ACSBG2: variants seen among roughly 807,000 people sequenced by gnomAD.
The protein encoded by ACSBG2 is acyl-CoA synthetase bubblegum family member 2.
In ACSBG2, 62 loss-of-function variants were observed where a neutral mutation model predicts 74.7. That is an observed-to-expected ratio of 0.83 (90% CI 0.68 to 1.03). ACSBG2 has a LOEUF of 1.03. Among genes scored for constraint, ACSBG2 ranks in the 50% least tolerant of loss-of-function variants. ACSBG2 has a pLI of 0.00. For missense variants in ACSBG2, 730 were observed against 817.6 expected, an observed-to-expected ratio of 0.89 and a Z score of 1.31; for synonymous variants, 309 against 294.1, an observed-to-expected ratio of 1.05 and a Z score of -0.52.
At chr19:6,137,096 G>T (rs1316175995) in intron 1 of ACSBG2, among the ~76,000 whole-genome samples, 2 of 151,354 alleles carry the variant, frequency 1.3e-5, no homozygotes, top group African/African-American at 4.9e-5. Flanking sequence ...TGCCCATTTT[G>T]CATTGCCATA....
intron 4 of ACSBG2, 80 bp downstream of exon 4, chr19:6,151,875 G>C: frequency 7.3e-7 from 1 of 1,362,310 alleles, no homozygotes. Context: ...TGTCCAGTGT[G>C]AGATGCAAAC....
At chr19:6,143,979 TTG>T (rs977219258) in intron 2 of ACSBG2, among the ~76,000 whole-genome samples, 2 of 151,606 alleles carry the variant, frequency 1.3e-5, no homozygotes, top group Non-Finnish European at 2.9e-5. Flanking sequence ...GGTTTTGTTG[TTG>T]TTTTTTTGTT....
At position 6,147,600 on chromosome 19, in the gene ACSBG2, T is replaced by A. The variant is rs771978866; in HGVS notation, c.222T>A (p.Asn74Lys). 1.2e-5 allele frequency: 19 copies of A among 1,613,962 alleles called. No individual in the cohort carries two copies. The highest frequency in any genetic ancestry group is 1.6e-4 in the Middle Eastern group (1 of 6,084). The change falls in exon 3 of 15, where the codon AAT (asparagine) becomes AAA (lysine). Residue 74 changes from asparagine (N) to lysine (K), a missense_variant. By Grantham distance (94) the Asn-to-Lys change is moderately conservative. Transcript: ENST00000588485. ...CTTATCCAGCCCTCGCATCCAAGAA[T>A]GGCAAAAAGTGGGAAATTCTGAATT... ...FGTYPALASK[N>K]GKKWEILNFN...
At chr19:6,146,746 GA>G (rs2089049089) in intron 2 of ACSBG2, among the ~76,000 whole-genome samples, 1 of 151,064 alleles carries the variant, frequency 6.6e-6, no homozygotes, top group Non-Finnish European at 1.5e-5. Flanking sequence ...ACCTGGGCAA[GA>G]AAAGCAAAGC....
intron 5 of ACSBG2, among the ~76,000 whole-genome samples, chr19:6,158,365 A>G (rs931891583): frequency 1.3e-5 from 2 of 151,044 alleles, no homozygotes; most frequent in African/African-American, 4.9e-5. Context: ...CCTTGGTTAC[A>G]ATTTTCTTTT....
chr19:6,168,749 T>C (rs1357662332), intron 7 of ACSBG2, among the ~76,000 whole-genome samples: 1 of 152,170 alleles, frequency 6.6e-6, no homozygotes, highest in East Asian at 1.9e-4. Flanking sequence ...TCTTATTAAG[T>C]TCCTTATAGA....
chr19:6,172,335 T>C (rs1362576660), intron 7 of ACSBG2, among the ~76,000 whole-genome samples: 5 of 152,170 alleles, frequency 3.3e-5, no homozygotes, highest in Non-Finnish European at 7.3e-5. Flanking sequence ...TTTTGAATCT[T>C]CTATTGTTTG....
chr19:6,168,098 C>G (rs1477260933), intron 7 of ACSBG2, among the ~76,000 whole-genome samples: 1 of 151,986 alleles, frequency 6.6e-6, no homozygotes, highest in African/African-American at 2.4e-5. Flanking sequence ...CAGGTAAAAG[C>G]CCAAGTCTCC....
chr19:6,165,870 ATGATTTCAT>A lies in ACSBG2; in HGVS notation c.594_602del (p.Asp198_Met201delinsGlu). 6.2e-7 allele frequency: 1 copy of A among 1,614,018 alleles called. No homozygotes were observed. Among genetic ancestry groups the A allele is most frequent in the Non-Finnish European group, 8.5e-7 (1 of 1,179,952 alleles). ...GCTTGTCTTTTCTGTCCACAGTGGG[ATGATTTCAT>A]GGAACTTGGCAGAAGTATCCCTGAC... On this transcript the variant is annotated inframe_deletion, in exon 7 of 15. Transcript: ENST00000588485.
intron 2 of ACSBG2, among the ~76,000 whole-genome samples, chr19:6,143,203 C>T (rs1197255247): frequency 1.3e-5 from 2 of 151,368 alleles, no homozygotes; most frequent in East Asian, 3.9e-4. Context: ...CACCACCGTG[C>T]CTGGCTAATT....
At chr19:6,151,641 C>T in intron 3 of ACSBG2, 66 bp from the exon 4 acceptor site, 1 of 1,465,606 alleles carries the variant, frequency 6.8e-7, no homozygotes, top group Non-Finnish European at 9.3e-7. Context: ...TCTGTCGTCA[C>T]ATATCCTAAT....
At chr19:6,156,083 T>C (rs1277011490) in intron 4 of ACSBG2, among the ~76,000 whole-genome samples, 3 of 152,106 alleles carry the variant, frequency 2.0e-5, no homozygotes, top group African/African-American at 7.2e-5. Context: ...AGGCTGTGAA[T>C]GATGGGAACA....
intron 7 of ACSBG2, chr19:6,176,222 C>G: frequency 9.4e-6 from 11 of 1,168,624 alleles, no homozygotes; most frequent in Non-Finnish European, 1.2e-5. Flanking sequence ...CATCTACTCA[C>G]CTGGGCTACC....
At position 6,166,280 on chromosome 19, in the gene ACSBG2, TTGTGTGTGTGTGTGTGTGTGTG is replaced by T. The variant is rs35422900; in HGVS notation, c.738+295_738+316del. On this transcript the variant is annotated intron_variant, in intron 7 of 14. Transcript: ENST00000588485. ...GATTCCTCTGTGTGAGTCAGGAAGGTTGTGTGTGTGTGTGTGTGTGTGTGTGTGTGTGTGTGTGTGTGTGTGT... is the reference window on the plus strand; with the variant it reads ...GATTCCTCTGTGTGAGTCAGGAAGGTTGTGTGTGTGTGTGTGTGTGTGTGT... Among the ~76,000 whole-genome samples, 13 of 119,096 alleles carry T rather than the reference TTGTGTGTGTGTGTGTGTGTGTG, an allele frequency of 1.1e-4. No individual in the cohort carries two copies. The East Asian group carries it at 1.2e-3, about 11-fold the overall frequency. 78.1% of individuals were successfully genotyped at this position (119,096 alleles called of 152,430 possible). A position where few individuals can be genotyped will look rare whatever the true frequency, so the allele number is the denominator to read the frequency against.
chr19:6,155,359 G>C (rs924759063), intron 4 of ACSBG2, among the ~76,000 whole-genome samples: 1 of 152,144 alleles, frequency 6.6e-6, no homozygotes, highest in African/African-American at 2.4e-5. Flanking sequence ...AAAAAGAAAA[G>C]CACGGAATGG....
At chr19:6,156,928 C>T (rs960709421) in intron 5 of ACSBG2, among the ~76,000 whole-genome samples, 1 of 151,094 alleles carries the variant, frequency 6.6e-6, no homozygotes, top group Non-Finnish European at 1.5e-5. Flanking sequence ...GGACTACGAG[C>T]GTGTACCACC....
intron 10 of ACSBG2, 40 bp downstream of exon 10, chr19:6,183,312 A>G (rs1334701767): frequency 1.9e-6 from 3 of 1,549,118 alleles, no homozygotes; most frequent in South Asian, 1.1e-5. Context: ...CTCCCATAAC[A>G]TGGGGTCAAG....
chr19:6,178,840 A>G (rs1026881441), intron 8 of ACSBG2, among the ~76,000 whole-genome samples: 1 of 152,204 alleles, frequency 6.6e-6, no homozygotes, highest in African/African-American at 2.4e-5. Flanking sequence ...AGAGAAGGAT[A>G]GGCTGGGGGA....
At chr19:6,158,374 T>C (rs2089493712) in intron 5 of ACSBG2, among the ~76,000 whole-genome samples, 1 of 152,088 alleles carries the variant, frequency 6.6e-6, no homozygotes, top group Non-Finnish European at 1.5e-5. Flanking sequence ...CAATTTTCTT[T>C]TGCATTGTGT....
Sources: gnomAD v4.1 joint callset for allele counts (sites outside exome capture counted in the v4.1 genomes callset) on GRCh38, gnomAD v4.1.1 for gene constraint, MANE v1.5 for transcripts, NCBI Gene and HGNC (gene_info 2026-07-23, HGNC 2026-07-21) for gene names.